The following UBE2D2 variants were observed in gnomAD, a reference collection of about 807,000 sequenced individuals.
The protein encoded by UBE2D2 is ubiquitin-conjugating enzyme E2 D2.
A neutral mutation model predicts 24.2 loss-of-function variants in UBE2D2; 2 were observed. The observed-to-expected ratio is 0.08, with a 90% confidence interval of 0.03 to 0.26. The LOEUF is 0.26. Among genes scored for constraint, UBE2D2 ranks in the 10% least tolerant of loss-of-function variants. The probability of loss-of-function intolerance (pLI) is 1.00; values close to 1 mark genes in which losing one functional copy is unlikely to be tolerated. For missense variants in UBE2D2, 44 were observed against 177.6 expected (o/e 0.25, Z 4.28); for synonymous variants, 58 against 56.5 (o/e 1.03, Z -0.12).
chr5:139,548,393 G>C (rs1265746716), intron 1 of UBE2D2, among the ~76,000 whole-genome samples: 2 of 151,672 alleles, frequency 1.3e-5, no homozygotes, highest in African/African-American at 2.4e-5. Flanking sequence ...AATCCCCCAA[G>C]ATTGCTACAC....
Position 139,548,193 on chromosome 5 carries a change from A to AAAAAAAAAAAAT in UBE2D2, c.-64+21584_-64+21585insAAAAAAAATAAA. Reference sequence around the variant, plus strand: ...AAAAAAAAAAAAAAAATAAAAAAAAAAAATAAATAAATAAATAAATAAACG... The same window carrying AAAAAAAAAAAAT: ...AAAAAAAAAAAAAAAATAAAAAAAAAAAAAAAAAAAATAAATAAATAAATAAATAAATAAACG... On this transcript the variant is annotated intron_variant, in intron 1 of 6. Coordinates refer to the UBE2D2 transcript ENST00000511725. Among the ~76,000 whole-genome samples the AAAAAAAAAAAAT allele has an allele frequency of 7.4e-4, 35 of 47,068 alleles. 1 individual carries two copies. The highest frequency in any genetic ancestry group is 2.0e-3 in the East Asian group (3 of 1,524). The allele number at this position is 47,068 out of a possible 152,430, so 30.9% of individuals were successfully genotyped here. A position where few individuals can be genotyped will look rare whatever the true frequency, so the allele number is the denominator to read the frequency against.
At chr5:139,614,320 C>G (rs1039209279) in intron 2 of UBE2D2, among the ~76,000 whole-genome samples, 2 of 152,080 alleles carry the variant, frequency 1.3e-5, no homozygotes, top group African/African-American at 4.8e-5. Context: ...CCTCTCACCT[C>G]AGCTTCTGGA....
At chr5:139,609,244 C>T (rs1167737250) in intron 2 of UBE2D2, among the ~76,000 whole-genome samples, 1 of 151,866 alleles carries the variant, frequency 6.6e-6, no homozygotes, top group East Asian at 1.9e-4. Context: ...TTAATTGTCT[C>T]AATATTTTTA....
chr5:139,625,178 C>A (rs959040797), intron 6 of UBE2D2, among the ~76,000 whole-genome samples: 1 of 151,576 alleles, frequency 6.6e-6, no homozygotes, highest in Non-Finnish European at 1.5e-5. Flanking sequence ...CCACCCCAGC[C>A]TCCCCAGTAG....
At chr5:139,563,841 A>G (rs563736848) in intron 1 of UBE2D2, among the ~76,000 whole-genome samples, 8 of 152,272 alleles carry the variant, frequency 5.3e-5, no homozygotes, top group Non-Finnish European at 1.2e-4. Flanking sequence ...AGGCTGAGGC[A>G]GGAGAATGAC....
At chr5:139,599,044 G>A (rs986183323) in intron 1 of UBE2D2, among the ~76,000 whole-genome samples, 5 of 144,538 alleles carry the variant, frequency 3.5e-5, no homozygotes, top group African/African-American at 1.3e-4. Flanking sequence ...TACTCCTGCT[G>A]TAGCCTCCCG....
At chr5:139,567,421 C>G (rs1753252810) in intron 1 of UBE2D2, among the ~76,000 whole-genome samples, 1 of 150,046 alleles carries the variant, frequency 6.7e-6, no homozygotes, top group African/African-American at 2.5e-5. Flanking sequence ...AAATACAATT[C>G]TAATTAACTT....
At chr5:139,592,825 G>A (rs1183345052) in intron 1 of UBE2D2, among the ~76,000 whole-genome samples, 4 of 151,006 alleles carry the variant, frequency 2.6e-5, no homozygotes, top group African/African-American at 4.9e-5. Flanking sequence ...GATGGGTCTC[G>A]ATCTCCTGAC....
chr5:139,601,320 T>A (rs1754068124), intron 2 of UBE2D2, among the ~76,000 whole-genome samples: 1 of 152,106 alleles, frequency 6.6e-6, no homozygotes, highest in Non-Finnish European at 1.5e-5. Flanking sequence ...ACTGTAACAT[T>A]TGGTTGGGTG....
chr5:139,567,986 G>C (rs1753271649), intron 1 of UBE2D2, among the ~76,000 whole-genome samples: 1 of 152,164 alleles, frequency 6.6e-6, no homozygotes, highest in African/African-American at 2.4e-5. Context: ...TCTGAGATTG[G>C]GAAGTTACCG....
chr5:139,556,169 G>A (rs1752979188), upstream of UBE2D2, among the ~76,000 whole-genome samples: 1 of 151,870 alleles, frequency 6.6e-6, no homozygotes, highest in African/African-American at 2.4e-5. Context: ...TCGGGAGGTA[G>A]AGATTGCGGT....
intron 1 of UBE2D2, among the ~76,000 whole-genome samples, chr5:139,549,143 G>A (rs572443833): frequency 7.2e-5 from 11 of 152,122 alleles, no homozygotes; most frequent in South Asian, 2.1e-4. Context: ...CACTGTGCCC[G>A]GTCTTAAAAG....
At chr5:139,572,799 C>T (rs1753377318) in intron 1 of UBE2D2, among the ~76,000 whole-genome samples, 1 of 151,686 alleles carries the variant, frequency 6.6e-6, no homozygotes, top group African/African-American at 2.4e-5. Flanking sequence ...TACAGGCATG[C>T]ACCACCGTGC....
At chr5:139,569,394 A>G (rs186281334) in intron 1 of UBE2D2, among the ~76,000 whole-genome samples, 1 of 152,270 alleles carries the variant, frequency 6.6e-6, no homozygotes, top group Non-Finnish European at 1.5e-5. Context: ...CTGATGACTG[A>G]CAAGGAAGAG....
intron 1 of UBE2D2, among the ~76,000 whole-genome samples, chr5:139,591,917 G>A (rs1373447918): frequency 6.6e-6 from 1 of 152,018 alleles, no homozygotes; most frequent in Non-Finnish European, 1.5e-5. Context: ...TGAAAACCTG[G>A]GGCCGGGCGC....
chr5:139,530,496 G>C (rs946946313), intron 1 of UBE2D2, among the ~76,000 whole-genome samples: 5 of 152,142 alleles, frequency 3.3e-5, no homozygotes, highest in Non-Finnish European at 7.3e-5. Context: ...AGGCTCATGA[G>C]GATATCGAAC....
intron 1 of UBE2D2, among the ~76,000 whole-genome samples, chr5:139,529,869 A>T (rs1752581239): frequency 1.3e-5 from 2 of 152,204 alleles, no homozygotes; most frequent in South Asian, 2.1e-4. Flanking sequence ...CATGTAGCCC[A>T]GTCTCTACAA....
At chr5:139,596,346 T>C (rs1753959357) in intron 1 of UBE2D2, among the ~76,000 whole-genome samples, 1 of 151,436 alleles carries the variant, frequency 6.6e-6, no homozygotes, top group Non-Finnish European at 1.5e-5. Flanking sequence ...CAGGCTGGAG[T>C]GCAGTGTCAC....
chr5:139,528,053 C>T (rs543517889), intron 1 of UBE2D2, among the ~76,000 whole-genome samples: 9 of 152,340 alleles, frequency 5.9e-5, no homozygotes, highest in Admixed American at 2.6e-4. Context: ...AAAGTCTCTG[C>T]GGGTCAGCCC....
Sources: allele counts gnomAD v4.1 joint callset (sites outside exome capture counted in the v4.1 genomes callset), GRCh38; gene constraint gnomAD v4.1.1; transcripts MANE v1.5; gene names NCBI Gene and HGNC (gene_info 2026-07-23, HGNC 2026-07-21).